Variants in PCSK2 observed in about 807,000 individuals in gnomAD.
The protein encoded by PCSK2 is proprotein convertase subtilisin/kexin type 2.
A neutral mutation model predicts 69.7 loss-of-function variants in PCSK2; 14 were observed. The ratio of observed to expected loss-of-function variants is 0.20; its 90% CI spans 0.13 to 0.31. The LOEUF is 0.31. Ranked by LOEUF, PCSK2 falls within the 10% of genes least tolerant of loss-of-function variation. PCSK2 has a pLI of 1.00. For missense variants in PCSK2, 544 were observed against 842.5 expected, an observed-to-expected ratio of 0.65 and a Z score of 4.39; for synonymous variants, 307 against 320.7, an observed-to-expected ratio of 0.96 and a Z score of 0.46.
At chr20:17,371,313 G>A (rs375036020) in intron 5 of PCSK2, among the ~76,000 whole-genome samples, 1 of 152,256 alleles carries the variant, frequency 6.6e-6, no homozygotes, top group South Asian at 2.1e-4. Context: ...TCATTCATTG[G>A]GGGCAAGAAT....
chr20:17,465,290 G>A (rs770561540), intron 10 of PCSK2, 36 bp from the exon 11 acceptor site: 6 of 1,456,208 alleles, frequency 4.1e-6, no homozygotes, highest in Non-Finnish European at 5.8e-6. Context: ...CCTGCCTTTT[G>A]CCCTTGCCCT....
chr20:17,314,205 T>C (rs998320730), intron 2 of PCSK2, among the ~76,000 whole-genome samples: 7 of 152,238 alleles, frequency 4.6e-5, no homozygotes, highest in African/African-American at 1.7e-4. Flanking sequence ...ACCTACCATT[T>C]AGCAATTTTC....
chr20:17,472,474 A>G (rs1600607404), intron 11 of PCSK2, among the ~76,000 whole-genome samples: 1 of 152,232 alleles, frequency 6.6e-6, no homozygotes, highest in East Asian at 1.9e-4. Flanking sequence ...TCGTCATGTG[A>G]CTGCCACAAA....
intron 10 of PCSK2, chr20:17,465,015 G>A: frequency 5.2e-6 from 2 of 385,610 alleles, no homozygotes; most frequent in South Asian, 5.8e-5. Context: ...ATGTGTTCCA[G>A]TTGCTCCACA....
intron 5 of PCSK2, among the ~76,000 whole-genome samples, chr20:17,376,420 C>G (rs979697501): frequency 6.6e-6 from 1 of 152,206 alleles, no homozygotes; most frequent in Non-Finnish European, 1.5e-5. Context: ...CATGCTAGAC[C>G]CCCTTCTCCA....
chr20:17,227,191 A>G lies in PCSK2; in HGVS notation c.-115A>G. On this transcript the variant is annotated 5_prime_UTR_variant, in exon 1 of 12. It adds an upstream start codon to the 5' untranslated region. Transcript: ENST00000262545. ...GACCCTGTTCAGTCTCTTTCTCTAT[A>G]CAAAGATTTTTTTAAAAACTATATA... The G allele has an allele frequency of 4.4e-6, 3 of 678,774 alleles. No individual in the cohort carries two copies. Among genetic ancestry groups the G allele is most frequent in the South Asian group, 1.9e-5 (1 of 52,028 alleles). 42.0% of individuals were successfully genotyped at this position (678,774 alleles called of 1,614,324 possible).
chr20:17,449,335 A>C (rs536585048), intron 8 of PCSK2, among the ~76,000 whole-genome samples: 1 of 152,130 alleles, frequency 6.6e-6, no homozygotes, highest in African/African-American at 2.4e-5. Flanking sequence ...GCCACCCTCT[A>C]ATCCATGGGT....
At chr20:17,291,970 T>C (rs763104461) in intron 2 of PCSK2, among the ~76,000 whole-genome samples, 6 of 152,104 alleles carry the variant, frequency 3.9e-5, no homozygotes, top group Non-Finnish European at 7.3e-5. Context: ...GGGTAAAAAG[T>C]GTCTTTCATA....
intron 6 of PCSK2, among the ~76,000 whole-genome samples, chr20:17,409,716 G>C (rs2031828988): frequency 6.6e-6 from 1 of 152,108 alleles, no homozygotes; most frequent in South Asian, 2.1e-4. Context: ...ATGTGTTTTT[G>C]AAAAGCATTC....
Position 17,465,570 on chromosome 20 carries a change from G to C in PCSK2, c.1430+17G>C. 13 of 1,496,848 alleles carry C rather than the reference G, an allele frequency of 8.7e-6. No homozygotes were observed. Among genetic ancestry groups the C allele is most frequent in the Non-Finnish European group, 1.2e-5 (13 of 1,094,134 alleles). The allele number at this position is 1,496,848 out of a possible 1,614,324, so 92.7% of individuals were successfully genotyped here. A position where few individuals can be genotyped will look rare whatever the true frequency, so the allele number is the denominator to read the frequency against. ...GGACCCTGAGTAAGTGGGGGTAGTG[G>C]TCCCTCTGCTGCATGTGGAAAGTGC... On this transcript the variant is annotated intron_variant, in intron 11 of 11. Transcript: ENST00000262545.
At chr20:17,414,864 T>C (rs999109001) in intron 6 of PCSK2, among the ~76,000 whole-genome samples, 8 of 152,208 alleles carry the variant, frequency 5.3e-5, no homozygotes, top group African/African-American at 9.7e-5. Flanking sequence ...ATCCCTGGAA[T>C]GCAAGGCTGG....
intron 6 of PCSK2, among the ~76,000 whole-genome samples, chr20:17,410,935 C>A (rs1045001816): frequency 7.9e-5 from 12 of 152,188 alleles, no homozygotes; most frequent in African/African-American, 2.9e-4. Context: ...TACTTGCTGT[C>A]TTTCTGTAAC....
intron 8 of PCSK2, among the ~76,000 whole-genome samples, chr20:17,446,821 T>C (rs1464049930): frequency 6.6e-6 from 1 of 152,184 alleles, no homozygotes; most frequent in Non-Finnish European, 1.5e-5. Flanking sequence ...ATTAAAGTAA[T>C]ATAATGGAAA....
chr20:17,311,119 A>T (rs1989497205), intron 2 of PCSK2, among the ~76,000 whole-genome samples: 1 of 152,130 alleles, frequency 6.6e-6, no homozygotes, highest in African/African-American at 2.4e-5. Context: ...GAGCCCATTA[A>T]ACATAGAGCA....
At chr20:17,257,832 A>G (rs781649224) in intron 1 of PCSK2, among the ~76,000 whole-genome samples, 2 of 152,188 alleles carry the variant, frequency 1.3e-5, no homozygotes, top group African/African-American at 2.4e-5. Context: ...TGGCCTTCTA[A>G]GTGTCCAGGA....
chr20:17,373,408 G>T (rs1324500742), intron 5 of PCSK2, among the ~76,000 whole-genome samples: 1 of 152,162 alleles, frequency 6.6e-6, no homozygotes, highest in South Asian at 2.1e-4. Context: ...TGTCCCAAAA[G>T]ATGTTCCTAC....
chr20:17,387,632 A>T (rs1163521619), intron 5 of PCSK2, among the ~76,000 whole-genome samples: 1 of 152,204 alleles, frequency 6.6e-6, no homozygotes, highest in Non-Finnish European at 1.5e-5. Flanking sequence ...AATATCTTTT[A>T]CGATCTAGCC....
intron 11 of PCSK2, chr20:17,478,991 A>G: frequency 2.7e-6 from 2 of 737,178 alleles, no homozygotes; most frequent in Non-Finnish European, 4.6e-6. Context: ...TATATTGCAC[A>G]CTTGTCATCT....
At chr20:17,390,217 A>G (rs2031338169) in intron 5 of PCSK2, among the ~76,000 whole-genome samples, 1 of 152,212 alleles carries the variant, frequency 6.6e-6, no homozygotes, top group Admixed American at 6.5e-5. Flanking sequence ...AGATACAGCG[A>G]TAGAGATCAG....
Sources: gnomAD v4.1 joint callset for allele counts (sites outside exome capture counted in the v4.1 genomes callset) on GRCh38, gnomAD v4.1.1 for gene constraint, MANE v1.5 for transcripts, NCBI Gene and HGNC (gene_info 2026-07-23, HGNC 2026-07-21) for gene names.